The following MXRA7 variants were observed in gnomAD, a reference collection of about 807,000 sequenced individuals.
MXRA7 encodes the protein matrix-remodeling-associated protein 7.
MXRA7 carries 18 observed loss-of-function variants against 17.4 expected under a neutral mutation model. The ratio of observed to expected loss-of-function variants is 1.03; its 90% CI spans 0.71 to 1.53. MXRA7 has a LOEUF of 1.53. Among genes scored for constraint, MXRA7 ranks in the 40% most tolerant of loss-of-function variants. The probability of loss-of-function intolerance (pLI) is 0.00; values close to 1 mark genes in which losing one functional copy is unlikely to be tolerated. For missense variants in MXRA7, 141 were observed against 209.3 expected (o/e 0.67, Z 2.01); for synonymous variants, 70 against 101.7 (o/e 0.69, Z 1.87).
rs574709625 is a variant in MXRA7 at position 76,679,678 on chromosome 17, T to C, written c.*1189A>G. 5 of 837,402 alleles carry C rather than the reference T, an allele frequency of 6.0e-6. No homozygotes were observed. Among genetic ancestry groups the C allele is most frequent in the Admixed American group, 6.4e-5 (1 of 15,722 alleles). 51.9% of individuals were successfully genotyped at this position (837,402 alleles called of 1,614,324 possible). A position where few individuals can be genotyped will look rare whatever the true frequency, so the allele number is the denominator to read the frequency against. On this transcript the variant is annotated 3_prime_UTR_variant, in exon 4 of 4. Coordinates refer to ENST00000449428, the MANE Select transcript of MXRA7 (RefSeq NM_198530.4). ...GCCTATAAGCCAGGGTCGGAAACTT[T>C]CCAGACAAACCTAGATAGCTCTACT... is the stretch of plus-strand genomic sequence containing the variant.
At position 76,688,696 on chromosome 17, in the gene MXRA7, G is replaced by T. The variant is rs73996674; in HGVS notation, c.343-520C>A. The T allele has an allele frequency of 4.5e-3, 5,566 of 1,234,602 alleles. 175 individuals are homozygous for T. The African/African-American group carries it at 0.073, about 16-fold the overall frequency. The allele number at this position is 1,234,602 out of a possible 1,614,324, so 76.5% of individuals were successfully genotyped here. On this transcript the variant is annotated intron_variant, in intron 1 of 3. Coordinates refer to ENST00000449428, the MANE Select transcript of MXRA7 (RefSeq NM_198530.4). ...TCTTCAGCCAGTTCTCTCCCACACAGAGACACAATAAACAGATGATCAGAG... is the reference window on the plus strand; with the variant it reads ...TCTTCAGCCAGTTCTCTCCCACACATAGACACAATAAACAGATGATCAGAG...
At chr17:76,701,375 A>G (rs1431927693) in intron 1 of MXRA7, among the ~76,000 whole-genome samples, 1 of 151,372 alleles carries the variant, frequency 6.6e-6, no homozygotes, top group African/African-American at 2.4e-5. Flanking sequence ...TGGATCCGGG[A>G]TGAGATGAGG....
intron 1 of MXRA7, among the ~76,000 whole-genome samples, chr17:76,692,992 A>G (rs953846536): frequency 6.7e-6 from 1 of 149,086 alleles, no homozygotes; most frequent in Non-Finnish European, 1.5e-5. Context: ...CCCTCCAGAC[A>G]CTAGCACATG....
At position 76,706,290 on chromosome 17, in the gene MXRA7, G is replaced by T. The variant is rs71383081; in HGVS notation, c.342+4315C>A. ...CCACGCTGCCGTCACAGAGGCCCAC[G>T]CTGCCGTCACAGAGGCCCACGCTGC... On this transcript the variant is annotated intron_variant, in intron 1 of 3. Coordinates refer to ENST00000449428, the MANE Select transcript of MXRA7 (RefSeq NM_198530.4). 9.0e-4 allele frequency among the ~76,000 whole-genome samples: 83 copies of T among 91,802 alleles called. 11 individuals are homozygous for T. The highest frequency in any genetic ancestry group is 1.4e-3 in the Admixed American group (12 of 8,700). The allele number at this position is 91,802 out of a possible 152,430, so 60.2% of individuals were successfully genotyped here. A position where few individuals can be genotyped will look rare whatever the true frequency, so the allele number is the denominator to read the frequency against.
chr17:76,695,221 G>A (rs1245291147), intron 1 of MXRA7, among the ~76,000 whole-genome samples: 1 of 152,112 alleles, frequency 6.6e-6, no homozygotes, highest in African/African-American at 2.4e-5. Context: ...ATTTTGCCCT[G>A]ATTTTATAAA....
intron 1 of MXRA7, among the ~76,000 whole-genome samples, chr17:76,695,353 G>GGTGTGT (rs71158054): frequency 0.79 from 117,410 of 147,956 alleles, 46,804 homozygotes; most frequent in South Asian, 0.83. Context: ...TTTAGCTTCA[G>GGTGTGT]GTGTGTGTGT....
chr17:76,710,507 C>T (rs2076707230), intron 1 of MXRA7, 98 bp downstream of exon 1: 2 of 1,034,482 alleles, frequency 1.9e-6, no homozygotes, highest in Non-Finnish European at 2.4e-6. Context: ...GCAGCCTGGG[C>T]TGGAGGCCGC....
At chr17:76,705,315 T>C (rs2076643662) in intron 1 of MXRA7, among the ~76,000 whole-genome samples, 2 of 152,218 alleles carry the variant, frequency 1.3e-5, no homozygotes, top group Non-Finnish European at 2.9e-5. Context: ...CTGGAACTAC[T>C]GAACAGGGAA....
At chr17:76,709,109 G>A (rs1012242215) in intron 1 of MXRA7, among the ~76,000 whole-genome samples, 1 of 152,178 alleles carries the variant, frequency 6.6e-6, no homozygotes, top group East Asian at 1.9e-4. Context: ...CCACAGGATT[G>A]AGCTAAGACA....
At chr17:76,677,750 G>T, downstream of MXRA7, 1 of 1,351,988 alleles carries the variant, frequency 7.4e-7, no homozygotes, top group Non-Finnish European at 1.1e-6. Context: ...CTAGCCCACT[G>T]GGGAGAGAGG....
chr17:76,708,234 G>A (rs1316453478), intron 1 of MXRA7, among the ~76,000 whole-genome samples: 1 of 152,234 alleles, frequency 6.6e-6, no homozygotes, highest in Non-Finnish European at 1.5e-5. Context: ...GGCAGCAGCT[G>A]CCCCAGCCCG....
chr17:76,702,815 G>A (rs1444169615), intron 1 of MXRA7, among the ~76,000 whole-genome samples: 1 of 132,642 alleles, frequency 7.5e-6, no homozygotes, highest in Non-Finnish European at 1.6e-5. Flanking sequence ...TCGCGCCACT[G>A]CACTCCAGCC....
chr17:76,690,724 T>C (rs750493741), intron 1 of MXRA7, among the ~76,000 whole-genome samples: 3 of 152,158 alleles, frequency 2.0e-5, no homozygotes, highest in Non-Finnish European at 2.9e-5. Context: ...TGTTTGTTTT[T>C]TGAGACAGGA....
rs2076656875 is a variant in MXRA7 at position 76,706,288 on chromosome 17, ACGC to A, written c.342+4314_342+4316del. ...GCCCACGCTGCCGTCACAGAGGCCC[ACGC>A]TGCCGTCACAGAGGCCCACGCTGCC... On this transcript the variant is annotated intron_variant, in intron 1 of 3. Transcript: ENST00000449428. 5.8e-5 allele frequency among the ~76,000 whole-genome samples: 7 copies of A among 119,704 alleles called. 1 individual carries two copies. In the East Asian group the frequency reaches 1.4e-3, roughly 24 times the overall value. The allele number at this position is 119,704 out of a possible 152,430, so 78.5% of individuals were successfully genotyped here.
chr17:76,706,953 C>T (rs1325137460), intron 1 of MXRA7, among the ~76,000 whole-genome samples: 1 of 152,066 alleles, frequency 6.6e-6, no homozygotes, highest in African/African-American at 2.4e-5. Flanking sequence ...TGTGTGTGTG[C>T]ATGTAACTAT....
At chr17:76,706,938 C>A (rs1050344245) in intron 1 of MXRA7, among the ~76,000 whole-genome samples, 1 of 151,690 alleles carries the variant, frequency 6.6e-6, no homozygotes, top group East Asian at 1.9e-4. Context: ...CACACACACA[C>A]TGTGTGTGTG....
chr17:76,685,222 C>G (rs2076375337), intron 2 of MXRA7, 57 bp from the exon 3 acceptor site: 3 of 1,295,882 alleles, frequency 2.3e-6, no homozygotes, highest in South Asian at 1.2e-5. Flanking sequence ...GCCCCACAAA[C>G]CCCGGCCCCC....
rs1567990827 is a variant in MXRA7 at position 76,706,254 on chromosome 17, A to ATCACAGAGGCCCACGCTGCCG, written c.342+4330_342+4350dup. ...TGCCGTCACAGAGGCCCACTCTGCC[A>ATCACAGAGGCCCACGCTGCCG]TCACAGAGGCCCACGCTGCCGTCAC... On this transcript the variant is annotated intron_variant, in intron 1 of 3. Transcript: ENST00000449428. Among the ~76,000 whole-genome samples the ATCACAGAGGCCCACGCTGCCG allele has an allele frequency of 1.3e-3, 70 of 52,182 alleles. 1 individual carries two copies. The highest frequency in any genetic ancestry group is 4.3e-3 in the East Asian group (8 of 1,872). The allele number at this position is 52,182 out of a possible 152,430, so 34.2% of individuals were successfully genotyped here.
At chr17:76,702,187 G>A (rs776438523) in intron 1 of MXRA7, among the ~76,000 whole-genome samples, 14 of 152,196 alleles carry the variant, frequency 9.2e-5, no homozygotes, top group Non-Finnish European at 1.6e-4. Context: ...GAACAATTTT[G>A]ACCATGACCA....
Sources: allele counts gnomAD v4.1 joint callset (sites outside exome capture counted in the v4.1 genomes callset), GRCh38; gene constraint gnomAD v4.1.1; transcripts MANE v1.5; gene names NCBI Gene and HGNC (gene_info 2026-07-23, HGNC 2026-07-21).